Variants in GREB1L observed in about 807,000 individuals in gnomAD.
GREB1L encodes GREB1-like protein.
A neutral mutation model predicts 200.8 loss-of-function variants in GREB1L; 17 were observed. The observed-to-expected ratio is 0.08, with a 90% CI of 0.06 to 0.13. The LOEUF (loss-of-function observed/expected upper bound fraction) is 0.13. GREB1L is among the 10% of genes least tolerant of loss of function. The probability of loss-of-function intolerance (pLI) is 1.00; values close to 1 mark genes in which losing one functional copy is unlikely to be tolerated. For missense variants in GREB1L, 1,657 were observed against 2,367.7 expected (o/e 0.70, Z 6.23); for synonymous variants, 789 against 893.0 (o/e 0.88, Z 2.08).
chr18:21,257,484 A>T (rs945992125), intron 1 of GREB1L, among the ~76,000 whole-genome samples: 2 of 152,252 alleles, frequency 1.3e-5, no homozygotes, highest in Admixed American at 1.3e-4. Context: ...GACCATTTGC[A>T]TAATCTACTG....
intron 7 of GREB1L, among the ~76,000 whole-genome samples, chr18:21,420,654 A>T (rs1462810687): frequency 1.3e-5 from 2 of 152,214 alleles, no homozygotes; most frequent in East Asian, 3.8e-4. Context: ...AATGGTGAGG[A>T]TGTAGAGGTG....
chr18:21,265,994 T>C (rs191600865), intron 1 of GREB1L, among the ~76,000 whole-genome samples: 11 of 152,168 alleles, frequency 7.2e-5, no homozygotes, highest in Admixed American at 3.9e-4. Flanking sequence ...CCCATAAGGA[T>C]CTGGAAGAAA....
At chr18:21,276,953 G>T (rs1375838538) in intron 1 of GREB1L, among the ~76,000 whole-genome samples, 49 of 111,914 alleles carry the variant, frequency 4.4e-4, no homozygotes, top group Non-Finnish European at 7.7e-4. Flanking sequence ...TTTTTTTACG[G>T]AATCTTGTTC....
intron 5 of GREB1L, among the ~76,000 whole-genome samples, chr18:21,400,187 AG>A (rs1383304712): frequency 2.0e-5 from 3 of 151,962 alleles, no homozygotes; most frequent in Non-Finnish European, 4.4e-5. Flanking sequence ...CTGTGTATTA[AG>A]GGGGATGGAA....
chr18:21,500,757 T>G lies in GREB1L; in HGVS notation c.4072+115T>G, dbSNP rs576612642. 1.5e-4 allele frequency: 104 copies of G among 703,238 alleles called. No individual in the cohort carries two copies. In the African/African-American group the frequency reaches 1.8e-3, roughly 12 times the overall value. The allele number at this position is 703,238 out of a possible 1,614,324, so 43.6% of individuals were successfully genotyped here. A position where few individuals can be genotyped will look rare whatever the true frequency, so the allele number is the denominator to read the frequency against. Reference sequence around the variant, plus strand: ...TTTCTACAGTACCTAACCTGCAGAGTTATTGGGAGGCTAAAGATAATGTGC... The same window carrying G: ...TTTCTACAGTACCTAACCTGCAGAGGTATTGGGAGGCTAAAGATAATGTGC... On this transcript the variant is annotated intron_variant, in intron 23 of 32. Coordinates refer to ENST00000424526, the MANE Select transcript of GREB1L (RefSeq NM_001142966.3).
intron 1 of GREB1L, among the ~76,000 whole-genome samples, chr18:21,279,545 A>C (rs1437356792): frequency 1.3e-5 from 2 of 152,188 alleles, no homozygotes; most frequent in African/African-American, 4.8e-5. Flanking sequence ...TTTCCAAAAG[A>C]TTCTTCCAAT....
chr18:21,362,005 T>C (rs1598694903), intron 1 of GREB1L, among the ~76,000 whole-genome samples: 2 of 152,180 alleles, frequency 1.3e-5, no homozygotes, highest in South Asian at 4.1e-4. Context: ...TAAAGTCTCC[T>C]AGTTAAAGAT....
At chr18:21,406,140 T>G (rs2030202886) in intron 7 of GREB1L, among the ~76,000 whole-genome samples, 1 of 151,922 alleles carries the variant, frequency 6.6e-6, no homozygotes, top group Non-Finnish European at 1.5e-5. Flanking sequence ...CAGTTGTACC[T>G]GAAAATAATG....
intron 7 of GREB1L, among the ~76,000 whole-genome samples, chr18:21,433,329 T>G (rs186980892): frequency 6.6e-6 from 1 of 152,324 alleles, no homozygotes; most frequent in East Asian, 1.9e-4. Context: ...TTTGAATTCA[T>G]TGTTTTAAAA....
chr18:21,352,519 C>T (rs1435731108), intron 1 of GREB1L, among the ~76,000 whole-genome samples: 5 of 149,248 alleles, frequency 3.4e-5, no homozygotes, highest in East Asian at 2.0e-4. Context: ...CTGTAACCTC[C>T]GCTTCCCGGG....
chr18:21,296,899 CCCT>C (rs2038537240), intron 1 of GREB1L, among the ~76,000 whole-genome samples: 1 of 152,182 alleles, frequency 6.6e-6, no homozygotes, highest in Admixed American at 6.5e-5. Flanking sequence ...AAGTGAGCCA[CCCT>C]CCTCGGCCTC....
chr18:21,409,238 C>T (rs2030665554), intron 7 of GREB1L, among the ~76,000 whole-genome samples: 1 of 152,150 alleles, frequency 6.6e-6, no homozygotes, highest in Admixed American at 6.6e-5. Flanking sequence ...ATGGGTAAAT[C>T]TCAAAAATAT....
At chr18:21,409,283 A>C (rs2030674161) in intron 7 of GREB1L, among the ~76,000 whole-genome samples, 1 of 152,216 alleles carries the variant, frequency 6.6e-6, no homozygotes, top group South Asian at 2.1e-4. Context: ...GAAAGAGACC[A>C]CATATTGTAT....
At chr18:21,392,366 A>G (rs560955739) in intron 4 of GREB1L, among the ~76,000 whole-genome samples, 92 of 151,878 alleles carry the variant, frequency 6.1e-4, no homozygotes, top group Non-Finnish European at 1.0e-3. Context: ...TTTTTTTCCA[A>G]TGGGTTCCAT....
chr18:21,286,807 G>C (rs2038365254), intron 1 of GREB1L, among the ~76,000 whole-genome samples: 1 of 152,026 alleles, frequency 6.6e-6, no homozygotes. Context: ...CTATGGTTTT[G>C]ATTTTATTTT....
intron 1 of GREB1L, among the ~76,000 whole-genome samples, chr18:21,328,008 C>T (rs1192676261): frequency 1.3e-5 from 2 of 152,192 alleles, no homozygotes; most frequent in Non-Finnish European, 2.9e-5. Flanking sequence ...GCCACAGCGC[C>T]CGGCCAACCC....
intron 1 of GREB1L, among the ~76,000 whole-genome samples, chr18:21,358,627 T>C (rs549013500): frequency 1.3e-5 from 2 of 152,322 alleles, no homozygotes; most frequent in East Asian, 3.9e-4. Context: ...TTCTCACTTA[T>C]AAGTGTCAGC....
chr18:21,457,805 G>A (rs1215144191), intron 15 of GREB1L, among the ~76,000 whole-genome samples: 1 of 152,092 alleles, frequency 6.6e-6, no homozygotes, highest in African/African-American at 2.4e-5. Context: ...ATAAATAGCA[G>A]GAGAGCATCC....
intron 1 of GREB1L, among the ~76,000 whole-genome samples, chr18:21,278,073 T>C (rs1190634576): frequency 6.6e-6 from 1 of 152,014 alleles, no homozygotes; most frequent in African/African-American, 2.4e-5. Flanking sequence ...GGCTTATAGA[T>C]TGAAGGATAT....
Sources: allele counts gnomAD v4.1 joint callset (sites outside exome capture counted in the v4.1 genomes callset), GRCh38; gene constraint gnomAD v4.1.1; transcripts MANE v1.5; gene names NCBI Gene and HGNC (gene_info 2026-07-23, HGNC 2026-07-21).